The following FAM107B variants were observed in gnomAD, a reference collection of about 807,000 sequenced individuals.
FAM107B encodes family with sequence similarity 107 member B, also known as protein FAM107B.
A neutral mutation model predicts 31.5 loss-of-function variants in FAM107B; 21 were observed. The observed-to-expected ratio is 0.67, with a 90% confidence interval of 0.47 to 0.96. The LOEUF (loss-of-function observed/expected upper bound fraction) is 0.96, where lower values mean the gene tolerates loss of function less well. Among genes scored for constraint, FAM107B ranks in the 40% least tolerant of loss-of-function variants. The pLI is 0.00. For synonymous variants in FAM107B, 157 were observed against 141.5 expected (o/e 1.11, Z -0.78); for missense variants, 452 against 377.1 (o/e 1.20, Z -1.64).
intron 2 of FAM107B, among the ~76,000 whole-genome samples, chr10:14,561,241 C>T (rs1850214668): frequency 6.6e-6 from 1 of 152,204 alleles, no homozygotes; most frequent in African/African-American, 2.4e-5. Context: ...AAAGCCACTG[C>T]CCTCTTGGGA....
intron 1 of FAM107B, among the ~76,000 whole-genome samples, chr10:14,698,909 A>G (rs1387183692): frequency 6.6e-6 from 1 of 152,238 alleles, no homozygotes; most frequent in Non-Finnish European, 1.5e-5. Flanking sequence ...AATAGGAGGT[A>G]GGTAGAATTA....
intron 1 of FAM107B, 36 bp from the exon 2 acceptor site, chr10:14,667,727 G>A (rs748503444): frequency 1.9e-6 from 3 of 1,610,840 alleles, no homozygotes; most frequent in South Asian, 1.1e-5. Context: ...AAAGCAGGGA[G>A]AAAGTAAAAA....
chr10:14,568,390 T>TCA (rs1564574718), intron 2 of FAM107B, among the ~76,000 whole-genome samples: 53 of 148,974 alleles, frequency 3.6e-4, no homozygotes, highest in East Asian at 7.9e-4. Context: ...GTGAAGATAC[T>TCA]GGAGGAGAAG....
chr10:14,559,323 C>G (rs996867239), intron 2 of FAM107B, among the ~76,000 whole-genome samples: 1 of 152,228 alleles, frequency 6.6e-6, no homozygotes, highest in African/African-American at 2.4e-5. Context: ...CCCACCTGCG[C>G]AGCCAGCCTT....
chr10:14,708,232 C>T (rs2131533456), intron 1 of FAM107B, among the ~76,000 whole-genome samples: 1 of 152,250 alleles, frequency 6.6e-6, no homozygotes, highest in South Asian at 2.1e-4. Context: ...TGCCTGGCAC[C>T]ACACCTGGCT....
chr10:14,685,833 A>G (rs1408234520), intron 1 of FAM107B, among the ~76,000 whole-genome samples: 1 of 152,234 alleles, frequency 6.6e-6, no homozygotes, highest in Non-Finnish European at 1.5e-5. Context: ...TATAAAGGAA[A>G]GAGGTTTAAT....
At chr10:14,690,870 T>A (rs1163787281) in intron 1 of FAM107B, among the ~76,000 whole-genome samples, 1 of 152,234 alleles carries the variant, frequency 6.6e-6, no homozygotes, top group African/African-American at 2.4e-5. Flanking sequence ...GCAAAAACTA[T>A]ATATATGCTA....
At chr10:14,773,536 G>A (rs560839262) in intron 1 of FAM107B, among the ~76,000 whole-genome samples, 1 of 152,134 alleles carries the variant, frequency 6.6e-6, no homozygotes, top group Non-Finnish European at 1.5e-5. Context: ...TGGGATTACC[G>A]GGAACTTTGA....
At chr10:14,590,989 C>CAAAAAA (rs35000609) in intron 2 of FAM107B, among the ~76,000 whole-genome samples, 1 of 67,004 alleles carries the variant, frequency 1.5e-5, no homozygotes, top group Non-Finnish European at 2.8e-5. Flanking sequence ...AACTCCATCT[C>CAAAAAA]AAAAAAAAAA....
intron 1 of FAM107B, among the ~76,000 whole-genome samples, chr10:14,711,565 T>G (rs1855647207): frequency 1.3e-5 from 2 of 152,226 alleles, no homozygotes; most frequent in African/African-American, 4.8e-5. Flanking sequence ...CATCTAGGTG[T>G]GTGTAAGCAC....
intron 2 of FAM107B, among the ~76,000 whole-genome samples, chr10:14,600,228 C>A (rs1852343604): frequency 6.6e-6 from 1 of 152,240 alleles, no homozygotes; most frequent in Non-Finnish European, 1.5e-5. Context: ...GACACCACGT[C>A]CTACCACAAC....
intron 1 of FAM107B, among the ~76,000 whole-genome samples, chr10:14,692,475 A>G (rs889131091): frequency 7.2e-5 from 11 of 152,204 alleles, no homozygotes; most frequent in Non-Finnish European, 1.5e-4. Context: ...GGTTTTTATC[A>G]GTGGCAAGCA....
At chr10:14,569,215 C>T (rs1346963250) in intron 2 of FAM107B, among the ~76,000 whole-genome samples, 1 of 152,182 alleles carries the variant, frequency 6.6e-6, no homozygotes, top group Admixed American at 6.5e-5. Context: ...TGTGTGTTAT[C>T]TGAATCCAGA....
At chr10:14,611,845 AAT>A (rs1852735380) in intron 2 of FAM107B, among the ~76,000 whole-genome samples, 1 of 151,974 alleles carries the variant, frequency 6.6e-6, no homozygotes, top group Non-Finnish European at 1.5e-5. Context: ...TATATGCATA[AAT>A]TTTTCCTTGC....
At chr10:14,705,113 G>A (rs533401534) in intron 1 of FAM107B, among the ~76,000 whole-genome samples, 1 of 151,434 alleles carries the variant, frequency 6.6e-6, no homozygotes, top group Admixed American at 6.6e-5. Flanking sequence ...ATGGATTGCT[G>A]CACCACATCA....
chr10:14,626,665 G>A (rs937750936), intron 2 of FAM107B, among the ~76,000 whole-genome samples: 3 of 151,852 alleles, frequency 2.0e-5, no homozygotes, highest in Admixed American at 6.6e-5. Flanking sequence ...CACCACACCC[G>A]GCTAATTTTT....
Position 14,662,121 on chromosome 10 carries a change from C to A in FAM107B, c.469+5513G>T, listed in dbSNP as rs116624836. Among the ~76,000 whole-genome samples the A allele has an allele frequency of 4.9e-3, 753 of 152,312 alleles. 7 individuals carry two copies. The highest frequency in any genetic ancestry group is 0.015 in the African/African-American group (623 of 41,566). ...AACATAGCCCAGGTTCAGTTTTTTA[C>A]ATGTTCTTTATTTTTGCATTGAATA... On this transcript the variant is annotated intron_variant, in intron 2 of 4. Transcript: ENST00000181796.
At chr10:14,554,273 G>T in intron 2 of FAM107B, 1 of 384,322 alleles carries the variant, frequency 2.6e-6, no homozygotes, top group Non-Finnish European at 3.6e-6. Flanking sequence ...AGCACTGCAG[G>T]CATGAGAAAC....
At chr10:14,721,532 A>C (rs903060946) in intron 1 of FAM107B, among the ~76,000 whole-genome samples, 2 of 152,074 alleles carry the variant, frequency 1.3e-5, no homozygotes, top group African/African-American at 4.8e-5. Context: ...TTTAATGATC[A>C]CCATTCTAAC....
Sources: allele counts gnomAD v4.1 joint callset (sites outside exome capture counted in the v4.1 genomes callset), GRCh38; gene constraint gnomAD v4.1.1; transcripts MANE v1.5; gene names NCBI Gene and HGNC (gene_info 2026-07-23, HGNC 2026-07-21).